Variants in SNTG1 observed in about 807,000 individuals in gnomAD.
SNTG1 encodes syntrophin gamma 1.
SNTG1 carries 39 observed loss-of-function variants against 74.7 expected under a neutral mutation model. The observed-to-expected ratio is 0.52, with a 90% confidence interval of 0.40 to 0.68. The LOEUF is 0.68. Among genes scored for constraint, SNTG1 ranks in the 30% least tolerant of loss-of-function variants. The pLI is 0.00. For synonymous variants in SNTG1, 254 were observed against 217.1 expected (o/e 1.17, Z -1.49); for missense variants, 685 against 609.5 (o/e 1.12, Z -1.30).
chr8:49,916,192 T>TAC (rs68125934), intron 1 of SNTG1, among the ~76,000 whole-genome samples: 1 of 151,180 alleles, frequency 6.6e-6, no homozygotes, highest in African/African-American at 2.4e-5. Context: ...TTTTGTCAAA[T>TAC]ACACACACAC....
rs1032978134 is a variant in SNTG1 at position 50,155,749 on chromosome 8, G to A, written c.-102-16812G>A. Among the ~76,000 whole-genome samples the A allele has an allele frequency of 2.6e-5, 4 of 151,698 alleles. No individual in the cohort carries two copies. In the East Asian group the frequency reaches 7.7e-4, roughly 29 times the overall value. ...AAAAACATCACCTTTCACTCTATAGGGCCATCTGAAGAAAGATTTAATGTA... is the reference window on the plus strand; with the variant it reads ...AAAAACATCACCTTTCACTCTATAGAGCCATCTGAAGAAAGATTTAATGTA... On this transcript the variant is annotated intron_variant, in intron 1 of 18. Transcript: ENST00000642720.
At chr8:50,224,677 G>A (rs1057123838) in intron 2 of SNTG1, among the ~76,000 whole-genome samples, 12 of 152,030 alleles carry the variant, frequency 7.9e-5, no homozygotes, top group African/African-American at 2.9e-4. Flanking sequence ...GGCCAAGATG[G>A]GAATGGATGG....
intron 1 of SNTG1, among the ~76,000 whole-genome samples, chr8:50,125,931 G>T (rs1213041832): frequency 6.6e-6 from 1 of 152,100 alleles, no homozygotes; most frequent in Non-Finnish European, 1.5e-5. Context: ...AAGGTCAGAG[G>T]CATATTACTG....
intron 2 of SNTG1, among the ~76,000 whole-genome samples, chr8:50,299,336 C>G (rs541560206): frequency 2.0e-5 from 3 of 152,068 alleles, no homozygotes; most frequent in Non-Finnish European, 4.4e-5. Flanking sequence ...TTCACCTTCT[C>G]TTCCTCCTCA....
intron 1 of SNTG1, among the ~76,000 whole-genome samples, chr8:50,084,487 T>C (rs138651300): frequency 6.6e-6 from 1 of 152,170 alleles, no homozygotes; most frequent in East Asian, 1.9e-4. Context: ...AAAAGTAGAC[T>C]GTAAAACTAA....
At chr8:50,053,623 T>TTGTGTGTGTC (rs1819767385) in intron 1 of SNTG1, among the ~76,000 whole-genome samples, 1 of 134,430 alleles carries the variant, frequency 7.4e-6, no homozygotes, top group Non-Finnish European at 1.5e-5. Context: ...ATATATATAA[T>TTGTGTGTGTC]TGTGTGTGTG....
intron 18 of SNTG1, among the ~76,000 whole-genome samples, chr8:50,788,859 C>G (rs554098089): frequency 6.6e-6 from 1 of 152,070 alleles, no homozygotes; most frequent in African/African-American, 2.4e-5. Context: ...GGCCTCAGAT[C>G]AATTGTCCAG....
chr8:50,070,317 A>T lies in SNTG1; in HGVS notation c.-102-102244A>T, dbSNP rs113740582. Among the ~76,000 whole-genome samples, 11 of 152,310 alleles carry T rather than the reference A, an allele frequency of 7.2e-5. 1 individual carries two copies. Among genetic ancestry groups the T allele is most frequent in the African/African-American group, 2.4e-4 (10 of 41,570 alleles). On this transcript the variant is annotated intron_variant, in intron 1 of 18. Transcript: ENST00000642720. ...AATTGTTCATTATTGTGGCTCCCAT[A>T]ATTTAAAAAAATAGCTTTTCTTTTG...
At chr8:50,402,756 G>C (rs1239569879) in intron 4 of SNTG1, among the ~76,000 whole-genome samples, 1 of 152,152 alleles carries the variant, frequency 6.6e-6, no homozygotes, top group East Asian at 1.9e-4. Context: ...ATCAGGAGAC[G>C]TTAGGCAGCG....
chr8:50,095,851 C>T (rs1350989328), intron 1 of SNTG1, among the ~76,000 whole-genome samples: 1 of 151,434 alleles, frequency 6.6e-6, no homozygotes, highest in Non-Finnish European at 1.5e-5. Context: ...TTTTCAAATT[C>T]TCCAAAGTGA....
chr8:49,992,802 ATTTATAAAAATAG>A (rs1813816045), intron 1 of SNTG1, among the ~76,000 whole-genome samples: 1 of 152,178 alleles, frequency 6.6e-6, no homozygotes, highest in African/African-American at 2.4e-5. Context: ...TTAAGTATTA[ATTTATAAAAATAG>A]TTCAAAATAT....
chr8:50,645,715 T>G (rs1235781047), intron 13 of SNTG1, among the ~76,000 whole-genome samples: 1 of 152,230 alleles, frequency 6.6e-6, no homozygotes, highest in Non-Finnish European at 1.5e-5. Flanking sequence ...ACACTTAGGC[T>G]GCAACCTTTA....
intron 9 of SNTG1, among the ~76,000 whole-genome samples, chr8:50,519,383 A>T (rs1348667460): frequency 6.6e-6 from 1 of 152,212 alleles, no homozygotes; most frequent in Non-Finnish European, 1.5e-5. Context: ...ATTCCCTTTG[A>T]AAACCAGCAC....
At chr8:50,393,024 C>G (rs775867981) in intron 2 of SNTG1, among the ~76,000 whole-genome samples, 35 of 151,844 alleles carry the variant, frequency 2.3e-4, no homozygotes, top group Non-Finnish European at 4.9e-4. Flanking sequence ...CTTTACATCA[C>G]AGTTAGAGAC....
chr8:49,910,423 G>A (rs1157010506), upstream of SNTG1, among the ~76,000 whole-genome samples: 9 of 152,198 alleles, frequency 5.9e-5, no homozygotes, highest in African/African-American at 2.2e-4. Flanking sequence ...GGCGGGCGGT[G>A]TTACAGTCTC....
At chr8:50,434,175 T>A (rs538808631) in intron 4 of SNTG1, among the ~76,000 whole-genome samples, 1 of 152,188 alleles carries the variant, frequency 6.6e-6, no homozygotes, top group South Asian at 2.1e-4. Flanking sequence ...TTGCTCAGAA[T>A]GATGGTTTCC....
intron 1 of SNTG1, among the ~76,000 whole-genome samples, chr8:50,116,523 C>A (rs1261187750): frequency 2.0e-5 from 3 of 152,144 alleles, no homozygotes; most frequent in Non-Finnish European, 4.4e-5. Context: ...AAAATTCTCA[C>A]CCACTTCTCC....
chr8:50,657,948 A>G (rs1238353029), intron 14 of SNTG1, among the ~76,000 whole-genome samples: 1 of 152,162 alleles, frequency 6.6e-6, no homozygotes, highest in African/African-American at 2.4e-5. Flanking sequence ...CTAATAATAC[A>G]TAAGATTTAG....
chr8:50,643,565 T>C (rs1203192302), intron 13 of SNTG1, among the ~76,000 whole-genome samples: 1 of 151,862 alleles, frequency 6.6e-6, no homozygotes, highest in Non-Finnish European at 1.5e-5. Context: ...AGATTACTTC[T>C]TTCTGAGTGT....
Sources: allele counts gnomAD v4.1 joint callset (sites outside exome capture counted in the v4.1 genomes callset), GRCh38; gene constraint gnomAD v4.1.1; transcripts MANE v1.5; gene names NCBI Gene and HGNC (gene_info 2026-07-23, HGNC 2026-07-21).